FAM185A: variants seen among roughly 807,000 people sequenced by gnomAD.
The protein encoded by FAM185A is family with sequence similarity 185 member A.
Under a neutral mutation model 45.7 loss-of-function variants are expected in FAM185A, and 21 were observed. The observed-to-expected ratio is 0.46, with a 90% CI of 0.33 to 0.66. The LOEUF is 0.66. Among genes scored for constraint, FAM185A ranks in the 30% least tolerant of loss-of-function variants. The pLI is 0.03. For synonymous variants in FAM185A, 117 were observed against 194.0 expected (o/e 0.60, Z 3.30); for missense variants, 305 against 485.4 (o/e 0.63, Z 3.49).
At chr7:102,813,366 G>A (rs748859621), downstream of FAM185A, 7 of 1,613,570 alleles carry the variant, frequency 4.3e-6, no homozygotes, top group African/African-American at 6.7e-5. Context: ...CTTCACTGCT[G>A]TATGTTGACT....
At chr7:102,842,285 G>A in the FAM185A span, among the ~76,000 whole-genome samples, 1 of 152,206 alleles carries the variant, frequency 6.6e-6, no homozygotes, top group Non-Finnish European at 1.5e-5. Flanking sequence ...AAGAGGTGGA[G>A]TTACTGAAAT....
At chr7:102,811,839 T>C (rs1274959775), downstream of FAM185A, among the ~76,000 whole-genome samples, 2 of 152,218 alleles carry the variant, frequency 1.3e-5, no homozygotes, top group African/African-American at 4.8e-5. Context: ...GTTGCCTGTG[T>C]GCCCACTCCT....
chr7:102,807,194 G>A (rs907029424), intron 7 of FAM185A, among the ~76,000 whole-genome samples: 1 of 151,974 alleles, frequency 6.6e-6, no homozygotes, highest in Non-Finnish European at 1.5e-5. Flanking sequence ...GTGGGGGTCG[G>A]AGGGTGACAG....
intron 7 of FAM185A, among the ~76,000 whole-genome samples, chr7:102,793,038 G>C (rs1275904668): frequency 1.3e-5 from 2 of 152,176 alleles, no homozygotes; most frequent in African/African-American, 4.8e-5. Flanking sequence ...TCAAAGCTTA[G>C]AGCACATGAA....
chr7:102,822,297 C>G, the FAM185A span: 1 of 1,169,484 alleles, frequency 8.6e-7, no homozygotes, highest in Non-Finnish European at 1.3e-6. Context: ...AATAAACTAC[C>G]ACAGACTGTG....
intron 4 of FAM185A, among the ~76,000 whole-genome samples, chr7:102,772,176 T>C (rs1794784837): frequency 7.1e-6 from 1 of 141,358 alleles, no homozygotes; most frequent in South Asian, 2.4e-4. Flanking sequence ...TGGTGATTTG[T>C]AGTTATGCTA....
At chr7:102,769,590 CCTGT>C (rs1302585707) in intron 4 of FAM185A, among the ~76,000 whole-genome samples, 5 of 151,690 alleles carry the variant, frequency 3.3e-5, no homozygotes, top group South Asian at 2.1e-4. Context: ...ATATCAGGGA[CCTGT>C]CTATCTTTTA....
At chr7:102,835,341 G>A in the FAM185A span, among the ~76,000 whole-genome samples, 3 of 152,142 alleles carry the variant, frequency 2.0e-5, no homozygotes, top group African/African-American at 7.2e-5. Flanking sequence ...ACCCAAGGAG[G>A]TACAGAAAGG....
chr7:102,812,916 C>G (rs1196757940), downstream of FAM185A, among the ~76,000 whole-genome samples: 5 of 147,916 alleles, frequency 3.4e-5, no homozygotes, highest in African/African-American at 1.0e-4. Context: ...GATCTAGGCT[C>G]ACTGCAACCT....
chr7:102,778,692 G>A (rs1041658450), intron 6 of FAM185A, among the ~76,000 whole-genome samples: 1 of 152,146 alleles, frequency 6.6e-6, no homozygotes, highest in African/African-American at 2.4e-5. Flanking sequence ...TAGGATTACA[G>A]TTTTATGTTT....
At chr7:102,789,788 TG>T (rs2129442095) in intron 7 of FAM185A, among the ~76,000 whole-genome samples, 1 of 152,384 alleles carries the variant, frequency 6.6e-6, no homozygotes, top group African/African-American at 2.4e-5. Context: ...ACTTTACAGC[TG>T]TAGAGATATA....
chr7:102,832,036 T>G, the FAM185A span, among the ~76,000 whole-genome samples: 1 of 152,212 alleles, frequency 6.6e-6, no homozygotes, highest in East Asian at 1.9e-4. Flanking sequence ...ACAAACTTTC[T>G]GTAACTATTT....
At chr7:102,834,061 G>GAAGA in the FAM185A span, among the ~76,000 whole-genome samples, 3 of 114,254 alleles carry the variant, frequency 2.6e-5, no homozygotes, top group Admixed American at 8.7e-5. Context: ...AGGAAGGAAG[G>GAAGA]AAGGAAGGAA....
intron 7 of FAM185A, among the ~76,000 whole-genome samples, chr7:102,793,572 G>A (rs1796267471): frequency 6.6e-6 from 1 of 151,724 alleles, no homozygotes; most frequent in African/African-American, 2.4e-5. Context: ...GAGTATCATG[G>A]GTAATCAGAT....
the FAM185A span, chr7:102,833,010 T>G: frequency 1.4e-5 from 23 of 1,610,914 alleles, no homozygotes; most frequent in Non-Finnish European, 2.0e-5. Flanking sequence ...TTTTCTTTTC[T>G]TTAGTCATCT....
the FAM185A span, chr7:102,833,025 C>T: frequency 6.9e-6 from 11 of 1,598,122 alleles, no homozygotes; most frequent in Non-Finnish European, 9.4e-6. Flanking sequence ...TCATCTAGAA[C>T]TGTCTTACTT....
the FAM185A span, among the ~76,000 whole-genome samples, chr7:102,826,617 C>G: frequency 6.7e-6 from 1 of 148,882 alleles, no homozygotes; most frequent in Non-Finnish European, 1.5e-5. Flanking sequence ...TCCAGCTACT[C>G]AGGAGGCTGA....
intron 6 of FAM185A, among the ~76,000 whole-genome samples, chr7:102,786,608 G>T (rs867647281): frequency 6.9e-6 from 1 of 145,340 alleles, no homozygotes; most frequent in African/African-American, 2.4e-5. Context: ...TGTTCTCACT[G>T]ATAGGTGGGA....
intron 7 of FAM185A, among the ~76,000 whole-genome samples, chr7:102,800,960 A>G (rs1379881434): frequency 6.6e-6 from 1 of 152,202 alleles, no homozygotes; most frequent in Admixed American, 6.5e-5. Flanking sequence ...GAGACAAAAG[A>G]AAGAATCTAA....
Sources: gnomAD v4.1 joint callset for allele counts (sites outside exome capture counted in the v4.1 genomes callset) on GRCh38, gnomAD v4.1.1 for gene constraint, MANE v1.5 for transcripts, NCBI Gene and HGNC (gene_info 2026-07-23, HGNC 2026-07-21) for gene names.